The following TPGS2 variants were observed in gnomAD, a reference collection of about 807,000 sequenced individuals.
TPGS2 encodes polyglutamylase subunit 2.
A neutral mutation model predicts 31.1 loss-of-function variants in TPGS2; 26 were observed. That is an observed-to-expected ratio of 0.84 (90% CI 0.61 to 1.16). The LOEUF is 1.16. Among genes scored for constraint, TPGS2 ranks in the 50% most tolerant of loss-of-function variants. The pLI, the probability that TPGS2 is intolerant of heterozygous loss-of-function variation, is 0.00. For missense variants in TPGS2, 351 were observed against 363.8 expected (o/e 0.96, Z 0.29); for synonymous variants, 130 against 136.6 (o/e 0.95, Z 0.34).
intron 2 of TPGS2, among the ~76,000 whole-genome samples, chr18:36,816,753 C>T (rs756790744): frequency 1.1e-4 from 17 of 152,114 alleles, no homozygotes; most frequent in Non-Finnish European, 2.1e-4. Flanking sequence ...GGACTACAGG[C>T]GTGCACCATC....
At position 36,795,962 on chromosome 18, in the gene TPGS2, A is replaced by C. The variant is rs1417690041; in HGVS notation, c.*843T>G. ...TTTTTTGTTTTTAAATGGTAAGAAT[A>C]AAGTATAGCAGAAGTACACCTTCTT... On this transcript the variant is annotated 3_prime_UTR_variant, in exon 7 of 7. Coordinates refer to ENST00000334295, the MANE Select transcript of TPGS2 (RefSeq NM_015476.4). 1 of 985,494 alleles carries C rather than the reference A, an allele frequency of 1.0e-6. No homozygotes were observed. The highest frequency in any genetic ancestry group is 1.2e-6 in the Non-Finnish European group (1 of 829,940). 61.0% of individuals were successfully genotyped at this position (985,494 alleles called of 1,614,324 possible). A position where few individuals can be genotyped will look rare whatever the true frequency, so the allele number is the denominator to read the frequency against.
intron 2 of TPGS2, 195 bp downstream of exon 2, chr18:36,818,699 A>G: frequency 2.0e-6 from 1 of 502,358 alleles, no homozygotes; most frequent in Non-Finnish European, 3.5e-6. Context: ...CAGGGGAAAC[A>G]CTCCATGCTG....
rs1261263606 is a variant in TPGS2 at position 36,795,087 on chromosome 18, G to GCTAA, written c.*1714_*1717dup. The GCTAA allele has an allele frequency of 2.3e-5, 23 of 985,314 alleles. No homozygotes were observed. The highest frequency in any genetic ancestry group is 1.7e-4 in the African/African-American group (10 of 57,234). 61.0% of individuals were successfully genotyped at this position (985,314 alleles called of 1,614,324 possible). A position where few individuals can be genotyped will look rare whatever the true frequency, so the allele number is the denominator to read the frequency against. ...TTAGAGCTTGCCCTGATCCTTGAAG[G>GCTAA]CTAACTCTTCACCTTGGTTTTCCTC... is the stretch of plus-strand genomic sequence containing the variant. On this transcript the variant is annotated 3_prime_UTR_variant, in exon 7 of 7. Coordinates refer to ENST00000334295, the MANE Select transcript of TPGS2 (RefSeq NM_015476.4).
At chr18:36,798,131 C>T in intron 6 of TPGS2, 1 of 1,115,156 alleles carries the variant, frequency 9.0e-7, no homozygotes, top group Non-Finnish European at 1.1e-6. Flanking sequence ...GAGAATCTGA[C>T]TTTTCACTCT....
At chr18:36,801,539 G>A (rs2044816825) in intron 4 of TPGS2, among the ~76,000 whole-genome samples, 2 of 152,114 alleles carry the variant, frequency 1.3e-5, no homozygotes, top group African/African-American at 4.8e-5. Context: ...TCGCTATGTT[G>A]CCTAGGCTGA....
chr18:36,796,779 TG>T lies in TPGS2; in HGVS notation c.*25del, dbSNP rs750474443. The T allele has an allele frequency of 4.2e-5, 67 of 1,582,732 alleles. 1 individual carries two copies. The South Asian group carries it at 7.4e-4, about 18-fold the overall frequency. On this transcript the variant is annotated 3_prime_UTR_variant, in exon 7 of 7. Transcript: ENST00000334295. ...TGCATGGAAACCACCACTCTGGAGCTGGTAGGGAGTTGGAGGGAGGGGTGCT... is the reference window on the plus strand; with the variant it reads ...TGCATGGAAACCACCACTCTGGAGCTGTAGGGAGTTGGAGGGAGGGGTGCT...
Position 36,828,716 on chromosome 18 carries a change from C to G in TPGS2, c.52G>C (p.Glu18Gln). 1 of 1,614,172 alleles carries G rather than the reference C, an allele frequency of 6.2e-7. No individual in the cohort carries two copies. Among genetic ancestry groups the G allele is most frequent in the Non-Finnish European group, 8.5e-7 (1 of 1,180,022 alleles). ...PGLGCSKPHL[E>Q]KLTLGITRIL... ...CGCGTGATGCCCAGGGTCAGCTTCTCCAGGTGCGGCTTGCTGCAGCCCAGC... is the reference window on the plus strand; with the variant it reads ...CGCGTGATGCCCAGGGTCAGCTTCTGCAGGTGCGGCTTGCTGCAGCCCAGC... The change falls in exon 1 of 7, where the codon GAG becomes CAG. Residue 18 changes from glutamate (E) to glutamine (Q), a missense_variant. Transcript: ENST00000334295.
At chr18:36,825,139 A>G (rs556916047) in intron 1 of TPGS2, among the ~76,000 whole-genome samples, 1 of 152,332 alleles carries the variant, frequency 6.6e-6, no homozygotes, top group East Asian at 1.9e-4. Flanking sequence ...TTTGTCAAAA[A>G]TCAATGAATC....
chr18:36,796,318 T>G lies in TPGS2; in HGVS notation c.*487A>C. 1.0e-6 allele frequency: 1 copy of G among 977,512 alleles called. No individual in the cohort carries two copies. The highest frequency in any genetic ancestry group is 1.2e-6 in the Non-Finnish European group (1 of 822,636). The allele number at this position is 977,512 out of a possible 1,614,324, so 60.6% of individuals were successfully genotyped here. ...ATGGAAATGTTCCATATCTTTGTGC[T>G]AATACAGAATCTACCAGCCACATGA... On this transcript the variant is annotated 3_prime_UTR_variant, in exon 7 of 7. Coordinates refer to ENST00000334295, the MANE Select transcript of TPGS2 (RefSeq NM_015476.4).
chr18:36,796,535 TGAAGAA>T lies in TPGS2; in HGVS notation c.*264_*269del. ...TGCTAAGGGATTGAGGGTTGAGTGTTGAAGAAGAGGAAAGCACTCAGACTTATTTGG... is the reference window on the plus strand; with the variant it reads ...TGCTAAGGGATTGAGGGTTGAGTGTTGAGGAAAGCACTCAGACTTATTTGG... On this transcript the variant is annotated 3_prime_UTR_variant, in exon 7 of 7. Coordinates refer to ENST00000334295, the MANE Select transcript of TPGS2 (RefSeq NM_015476.4). 2 of 1,257,606 alleles carry T rather than the reference TGAAGAA, an allele frequency of 1.6e-6. No individual in the cohort carries two copies. Among genetic ancestry groups the T allele is most frequent in the Non-Finnish European group, 1.0e-6 (1 of 1,003,572 alleles). The allele number at this position is 1,257,606 out of a possible 1,614,324, so 77.9% of individuals were successfully genotyped here.
At chr18:36,820,006 G>A (rs930470386) in intron 1 of TPGS2, among the ~76,000 whole-genome samples, 9 of 152,136 alleles carry the variant, frequency 5.9e-5, no homozygotes, top group African/African-American at 2.2e-4. Flanking sequence ...TAGGAATATG[G>A]CAGAAACTTC....
intron 4 of TPGS2, among the ~76,000 whole-genome samples, chr18:36,801,953 A>C (rs1311721947): frequency 6.6e-6 from 1 of 152,152 alleles, no homozygotes; most frequent in African/African-American, 2.4e-5. Context: ...ACATTATACC[A>C]TATGTTGTCC....
chr18:36,790,309 A>ACCAT (rs1334690436), downstream of TPGS2, among the ~76,000 whole-genome samples: 1 of 152,202 alleles, frequency 6.6e-6, no homozygotes, highest in Non-Finnish European at 1.5e-5. Flanking sequence ...GGTCTTCACT[A>ACCAT]CTGCTCTTCA....
At chr18:36,818,870 T>A (rs1568028296) in intron 2 of TPGS2, 24 bp downstream of exon 2, 2 of 1,605,302 alleles carry the variant, frequency 1.2e-6, no homozygotes, top group South Asian at 1.1e-5. Flanking sequence ...TGATGGGAGG[T>A]AGAGTTCATG....
intron 2 of TPGS2, among the ~76,000 whole-genome samples, chr18:36,808,525 C>T (rs2045273158): frequency 6.6e-6 from 1 of 151,934 alleles, no homozygotes; most frequent in Non-Finnish European, 1.5e-5. Flanking sequence ...GTAGTCCCAG[C>T]TACTCGGGAG....
intron 1 of TPGS2, among the ~76,000 whole-genome samples, chr18:36,825,228 C>G (rs371974541): frequency 1.3e-5 from 2 of 151,960 alleles, no homozygotes; most frequent in African/African-American, 4.8e-5. Context: ...GTCAGGAGAT[C>G]GAGACCATCC....
chr18:36,810,841 A>C (rs2045391101), intron 2 of TPGS2, among the ~76,000 whole-genome samples: 1 of 152,186 alleles, frequency 6.6e-6, no homozygotes, highest in Non-Finnish European at 1.5e-5. Context: ...AGCTATCAAC[A>C]AGATTCCAGA....
intron 6 of TPGS2, chr18:36,787,209 T>G: frequency 9.7e-7 from 1 of 1,034,858 alleles, no homozygotes; most frequent in Non-Finnish European, 1.2e-6. Flanking sequence ...TGTGTTCCTC[T>G]GTGTCAGCAG....
chr18:36,787,020 C>G (rs918862058), intron 6 of TPGS2: 1 of 1,234,242 alleles, frequency 8.1e-7, no homozygotes, highest in Non-Finnish European at 1.0e-6. Flanking sequence ...ATTGGAGGGG[C>G]TCAACAGCCA....
Sources: allele counts gnomAD v4.1 joint callset (sites outside exome capture counted in the v4.1 genomes callset), GRCh38; gene constraint gnomAD v4.1.1; transcripts MANE v1.5; gene names NCBI Gene and HGNC (gene_info 2026-07-23, HGNC 2026-07-21).